The following PTPRD variants were observed in gnomAD, a reference collection of about 807,000 sequenced individuals.
PTPRD encodes the protein protein tyrosine phosphatase receptor type D, also known as receptor-type tyrosine-protein phosphatase delta.
PTPRD carries 34 observed loss-of-function variants against 214.5 expected under a neutral mutation model. The ratio of observed to expected loss-of-function variants is 0.16; its 90% CI spans 0.12 to 0.21. PTPRD has a LOEUF of 0.21. Among genes scored for constraint, PTPRD ranks in the 10% least tolerant of loss-of-function variants. PTPRD has a pLI of 1.00. For synonymous variants in PTPRD, 1,128 were observed against 845.7 expected, an observed-to-expected ratio of 1.33 and a Z score of -5.79; for missense variants, 2,545 against 2,398.7, an observed-to-expected ratio of 1.06 and a Z score of -1.27.
At chr9:8,769,787 A>T (rs1331904324) in intron 11 of PTPRD, among the ~76,000 whole-genome samples, 1 of 151,808 alleles carries the variant, frequency 6.6e-6, no homozygotes, top group African/African-American at 2.4e-5. Context: ...GCTTGTAAAT[A>T]GTTCAAAATT....
chr9:10,464,412 CAGAGAGAG>C (rs139389141), intron 2 of PTPRD, among the ~76,000 whole-genome samples: 1 of 143,374 alleles, frequency 7.0e-6, no homozygotes, highest in Non-Finnish European at 1.5e-5. Flanking sequence ...GATAGAGAGA[CAGAGAGAG>C]AGAGAGAGAG....
At chr9:10,125,448 T>G (rs987795522) in intron 3 of PTPRD, among the ~76,000 whole-genome samples, 12 of 145,854 alleles carry the variant, frequency 8.2e-5, no homozygotes, top group African/African-American at 3.0e-4. Context: ...ATTATTATTA[T>G]TATTATTATT....
At chr9:9,158,068 A>G (rs942659466) in intron 10 of PTPRD, among the ~76,000 whole-genome samples, 1 of 152,142 alleles carries the variant, frequency 6.6e-6, no homozygotes, top group Non-Finnish European at 1.5e-5. Context: ...TCATGGCTGC[A>G]TAGTATTCCA....
chr9:9,550,358 A>G (rs1272368772), intron 8 of PTPRD, among the ~76,000 whole-genome samples: 2 of 150,472 alleles, frequency 1.3e-5, no homozygotes, highest in Non-Finnish European at 3.0e-5. Flanking sequence ...AAAGAAGTAT[A>G]TATATTTCTC....
chr9:9,469,957 G>GT (rs1379060699), intron 8 of PTPRD, among the ~76,000 whole-genome samples: 2 of 152,134 alleles, frequency 1.3e-5, no homozygotes, highest in African/African-American at 2.4e-5. Flanking sequence ...AAGAAAGGAG[G>GT]TTTTTGCTTT....
At chr9:10,329,335 C>T (rs111673408) in intron 3 of PTPRD, among the ~76,000 whole-genome samples, 3 of 151,794 alleles carry the variant, frequency 2.0e-5, no homozygotes, top group African/African-American at 4.8e-5. Flanking sequence ...TTCAAGAAAG[C>T]GAACTGGGAA....
At chr9:9,750,953 T>C (rs908907321) in intron 6 of PTPRD, among the ~76,000 whole-genome samples, 1 of 152,114 alleles carries the variant, frequency 6.6e-6, no homozygotes, top group Non-Finnish European at 1.5e-5. Flanking sequence ...GTCGCAATCA[T>C]TAAAGTGCAT....
intron 11 of PTPRD, among the ~76,000 whole-genome samples, chr9:8,882,541 T>C (rs551602524): frequency 6.6e-6 from 1 of 152,168 alleles, no homozygotes; most frequent in African/African-American, 2.4e-5. Context: ...ATTTGTAGCA[T>C]CTTTCTCCTC....
intron 2 of PTPRD, among the ~76,000 whole-genome samples, chr9:10,395,833 G>A (rs189043856): frequency 4.3e-4 from 65 of 151,986 alleles, no homozygotes; most frequent in Non-Finnish European, 8.5e-4. Context: ...AGTGAAAAAC[G>A]TGCAATTTCC....
chr9:10,410,196 A>C (rs2098419046), intron 2 of PTPRD, among the ~76,000 whole-genome samples: 1 of 148,034 alleles, frequency 6.8e-6, no homozygotes. Flanking sequence ...TTCTTTTCTA[A>C]AGACTTTCAT....
intron 2 of PTPRD, among the ~76,000 whole-genome samples, chr9:10,446,417 CTTTTTTTTTTTTT>C (rs34478548): frequency 3.2e-5 from 3 of 92,964 alleles, no homozygotes; most frequent in African/African-American, 4.1e-5. Context: ...CTATTTTTTT[CTTTTTTTTTTTTT>C]TTTTTTTTTT....
At chr9:9,140,193 A>G (rs1019982493) in intron 10 of PTPRD, among the ~76,000 whole-genome samples, 2 of 149,828 alleles carry the variant, frequency 1.3e-5, no homozygotes, top group African/African-American at 2.4e-5. Flanking sequence ...CATGCATGGA[A>G]AAAAAAAAAG....
At chr9:9,930,226 C>A (rs144450147) in intron 5 of PTPRD, among the ~76,000 whole-genome samples, 252 of 152,224 alleles carry the variant, frequency 1.7e-3, no homozygotes, top group African/African-American at 5.9e-3. Flanking sequence ...GTATGTTGAT[C>A]TAGTACACAA....
intron 5 of PTPRD, among the ~76,000 whole-genome samples, chr9:9,904,969 G>A (rs2077214420): frequency 6.6e-6 from 1 of 151,902 alleles, no homozygotes; most frequent in Non-Finnish European, 1.5e-5. Context: ...CATAAACATG[G>A]ATTTTTTTGT....
At chr9:10,470,345 G>A (rs1193944572) in intron 2 of PTPRD, among the ~76,000 whole-genome samples, 7 of 152,096 alleles carry the variant, frequency 4.6e-5, no homozygotes, top group Admixed American at 2.0e-4. Context: ...CTTATGTGAA[G>A]TATCAAAATC....
chr9:9,794,962 T>C (rs1048925887), intron 5 of PTPRD, among the ~76,000 whole-genome samples: 2 of 152,156 alleles, frequency 1.3e-5, no homozygotes, highest in African/African-American at 4.8e-5. Context: ...CAGGTCTAAA[T>C]GAATGAGGGA....
intron 11 of PTPRD, among the ~76,000 whole-genome samples, chr9:8,988,466 T>C (rs2099353991): frequency 1.3e-5 from 2 of 152,074 alleles, no homozygotes; most frequent in South Asian, 2.1e-4. Context: ...GTATCTTTGA[T>C]TAGTGTTCAT....
At chr9:10,017,880 G>T (rs2096755813) in intron 4 of PTPRD, among the ~76,000 whole-genome samples, 1 of 151,988 alleles carries the variant, frequency 6.6e-6, no homozygotes, top group African/African-American at 2.4e-5. Flanking sequence ...CTCAAATGAA[G>T]ATTAAAAACA....
At chr9:8,825,202 G>A (rs1206497032) in intron 11 of PTPRD, among the ~76,000 whole-genome samples, 1 of 152,176 alleles carries the variant, frequency 6.6e-6, no homozygotes, top group South Asian at 2.1e-4. Context: ...GCACAGGTTA[G>A]AAACCCTGTA....
Sources: allele counts gnomAD v4.1 joint callset (sites outside exome capture counted in the v4.1 genomes callset), GRCh38; gene constraint gnomAD v4.1.1; transcripts MANE v1.5; gene names NCBI Gene and HGNC (gene_info 2026-07-23, HGNC 2026-07-21).